The following TMEM71 variants were observed in gnomAD, a reference collection of about 807,000 sequenced individuals.
TMEM71 encodes transmembrane protein 71.
Under a neutral mutation model 38.0 loss-of-function variants are expected in TMEM71, and 44 were observed. That is an observed-to-expected ratio of 1.16 (90% CI 0.91 to 1.49). TMEM71 has a LOEUF of 1.49. Among genes scored for constraint, TMEM71 ranks in the 40% most tolerant of loss-of-function variants. The pLI, the probability that TMEM71 is intolerant of heterozygous loss-of-function variation, is 0.00. For missense variants in TMEM71, 367 were observed against 348.6 expected, an observed-to-expected ratio of 1.05 and a Z score of -0.42; for synonymous variants, 133 against 122.5, an observed-to-expected ratio of 1.09 and a Z score of -0.56.
chr8:132,728,057 C>T (rs1044626305), intron 5 of TMEM71, 71 bp from the exon 6 acceptor site: 1 of 1,140,522 alleles, frequency 8.8e-7, no homozygotes, highest in African/African-American at 1.6e-5. Context: ...TGTTCAGTGA[C>T]TGCTCAATGC....
chr8:132,770,873 A>G, the TMEM71 span, among the ~76,000 whole-genome samples: 1 of 152,180 alleles, frequency 6.6e-6, no homozygotes, highest in Non-Finnish European at 1.5e-5. Flanking sequence ...AGGAACTTGA[A>G]TTTTATCAAA....
At chr8:132,719,584 T>C (rs1826727522) in intron 7 of TMEM71, among the ~76,000 whole-genome samples, 1 of 152,236 alleles carries the variant, frequency 6.6e-6, no homozygotes, top group Non-Finnish European at 1.5e-5. Flanking sequence ...AACCTGTATG[T>C]GCAAACATAT....
chr8:132,734,199 G>C (rs558780028), intron 5 of TMEM71, among the ~76,000 whole-genome samples: 3 of 152,020 alleles, frequency 2.0e-5, no homozygotes, highest in East Asian at 1.9e-4. Flanking sequence ...CACACACACA[G>C]AGACACAGGC....
chr8:132,742,983 A>G (rs900706227), intron 5 of TMEM71, among the ~76,000 whole-genome samples: 1 of 152,176 alleles, frequency 6.6e-6, no homozygotes, highest in African/African-American at 2.4e-5. Flanking sequence ...ACTTCCCCTG[A>G]TAGAATCATC....
chr8:132,760,306 G>A (rs1829258590), intron 1 of TMEM71, 170 bp downstream of exon 1: 1 of 152,186 alleles, frequency 6.6e-6, no homozygotes, highest in African/African-American at 2.4e-5. Context: ...TCCTTCCAAA[G>A]GGAGTTCCCA....
chr8:132,757,434 C>CA lies in TMEM71; in HGVS notation c.41-141dup, dbSNP rs955708822. 3.4e-5 allele frequency: 20 copies of CA among 592,310 alleles called. No individual in the cohort carries two copies. The African/African-American group carries it at 3.6e-4, about 11-fold the overall frequency. The allele number at this position is 592,310 out of a possible 1,614,324, so 36.7% of individuals were successfully genotyped here. A position where few individuals can be genotyped will look rare whatever the true frequency, so the allele number is the denominator to read the frequency against. The stretch of plus-strand genomic sequence containing the variant: ...GGAATAGCTGATGTTCCAGCTTCAG[C>CA]AGGAAGACTCCAGTAGTGCAGGTAC... On this transcript the variant is annotated intron_variant, in intron 2 of 9. Transcript: ENST00000677595.
intron 7 of TMEM71, among the ~76,000 whole-genome samples, chr8:132,715,259 A>C (rs936174456): frequency 5.9e-5 from 9 of 151,516 alleles, no homozygotes; most frequent in Non-Finnish European, 1.2e-4. Flanking sequence ...GCAAAAAAAA[A>C]AATAGCCGGG....
At chr8:132,714,352 A>T in intron 7 of TMEM71, 137 bp from the exon 8 acceptor site, 1 of 697,952 alleles carries the variant, frequency 1.4e-6, no homozygotes. Context: ...GGTATTGGAA[A>T]ATGGACAGAC....
At chr8:132,767,309 AC>A in the TMEM71 span, among the ~76,000 whole-genome samples, 2 of 152,100 alleles carry the variant, frequency 1.3e-5, 1 homozygote, top group African/African-American at 4.8e-5. Flanking sequence ...TGGGAAGATA[AC>A]TTTGAAATTT....
At chr8:132,766,181 C>G in the TMEM71 span, among the ~76,000 whole-genome samples, 14 of 152,234 alleles carry the variant, frequency 9.2e-5, no homozygotes, top group East Asian at 2.5e-3. Flanking sequence ...TGAGGGACTT[C>G]CCTTTCTTGC....
At chr8:132,773,470 G>T in the TMEM71 span, among the ~76,000 whole-genome samples, 1 of 152,200 alleles carries the variant, frequency 6.6e-6, no homozygotes, top group Non-Finnish European at 1.5e-5. Flanking sequence ...AGAATGGACA[G>T]AATCTGTTGT....
chr8:132,770,359 C>T, the TMEM71 span, among the ~76,000 whole-genome samples: 1 of 152,298 alleles, frequency 6.6e-6, no homozygotes, highest in African/African-American at 2.4e-5. Context: ...CACTCATTCC[C>T]ATCGCTCAGT....
the TMEM71 span, chr8:132,775,677 C>T: frequency 6.1e-6 from 2 of 330,566 alleles, no homozygotes; most frequent in African/African-American, 4.3e-5. Context: ...GCCGGCAGGC[C>T]GCCTGGCCCC....
At chr8:132,738,548 A>C (rs982129859) in intron 5 of TMEM71, among the ~76,000 whole-genome samples, 1 of 152,216 alleles carries the variant, frequency 6.6e-6, no homozygotes. Context: ...TACTGCAAAG[A>C]TAACTTGAAA....
At chr8:132,726,842 C>T (rs1377106646) in intron 6 of TMEM71, among the ~76,000 whole-genome samples, 2 of 149,848 alleles carry the variant, frequency 1.3e-5, no homozygotes, top group Admixed American at 1.3e-4. Context: ...GTTGTTTCCT[C>T]TTCTTCTTCT....
chr8:132,746,816 A>ACTTATTTTTTATTTATTTATTTATTAT, intron 5 of TMEM71, 126 bp downstream of exon 5: 1 of 690,320 alleles, frequency 1.4e-6, no homozygotes, highest in Non-Finnish European at 2.3e-6. Context: ...TGAATTTTAA[A>ACTTATTTTTTATTTATTTATTTATTAT]AATGTGGCCC....
In TMEM71 at chr8:132,751,848, T is replaced by C. The variant is rs1292275279; in HGVS notation, c.251A>G (p.Lys84Arg). The stretch of plus-strand genomic sequence containing the variant: ...TGGGTTCAGAGTTATGTTGCCATCT[T>C]TGTCGCACAGGAAGCTGTCTTCAGT... ...IWTEDSFLCD[K>R]DGNITLNPSQ... is the part of the protein sequence containing the mutation. The change falls in exon 4 of 10, where the codon AAA (lysine) becomes AGA (arginine). Residue 84 changes from lysine to arginine, a missense_variant. Lys to Arg is a conservative substitution (Grantham distance 26). Transcript: ENST00000677595. 6.2e-7 allele frequency: 1 copy of C among 1,614,040 alleles called. No homozygotes were observed. Among genetic ancestry groups the C allele is most frequent in the Non-Finnish European group, 8.5e-7 (1 of 1,180,044 alleles).
intron 7 of TMEM71, among the ~76,000 whole-genome samples, chr8:132,719,670 C>A (rs1826733042): frequency 6.6e-6 from 1 of 152,118 alleles, no homozygotes; most frequent in South Asian, 2.1e-4. Flanking sequence ...CAGTTTTAGT[C>A]AATTTTTAAT....
the TMEM71 span, among the ~76,000 whole-genome samples, chr8:132,773,012 G>A: frequency 6.6e-6 from 1 of 152,166 alleles, no homozygotes; most frequent in East Asian, 1.9e-4. Flanking sequence ...AAAATTTAAT[G>A]TATATTAAAA....
Sources: allele counts gnomAD v4.1 joint callset (sites outside exome capture counted in the v4.1 genomes callset), GRCh38; gene constraint gnomAD v4.1.1; transcripts MANE v1.5; gene names NCBI Gene and HGNC (gene_info 2026-07-23, HGNC 2026-07-21).